The following IQSEC1 variants were observed in gnomAD, a reference collection of about 807,000 sequenced individuals.
IQSEC1 encodes IQ motif and SEC7 domain-containing protein 1.
IQSEC1 carries 31 observed loss-of-function variants against 91.0 expected under a neutral mutation model. That is an observed-to-expected ratio of 0.34 (90% CI 0.26 to 0.46). The LOEUF (loss-of-function observed/expected upper bound fraction) is 0.46. Ranked by LOEUF, IQSEC1 falls within the 20% of genes least tolerant of loss-of-function variation. IQSEC1 has a pLI of 1.00. For synonymous variants in IQSEC1, 699 were observed against 662.6 expected (o/e 1.05, Z -0.84); for missense variants, 1,388 against 1,575.6 (o/e 0.88, Z 2.02).
intron 2 of IQSEC1, among the ~76,000 whole-genome samples, chr3:13,144,561 A>C (rs1576270199): frequency 1.3e-5 from 2 of 152,150 alleles, no homozygotes; most frequent in East Asian, 3.9e-4. Context: ...CCCTGGGGAC[A>C]TCTCCTTCCT....
At chr3:13,132,184 G>A (rs898810902) in intron 2 of IQSEC1, among the ~76,000 whole-genome samples, 2 of 152,176 alleles carry the variant, frequency 1.3e-5, no homozygotes, top group Admixed American at 6.5e-5. Context: ...CTGATCCTTA[G>A]CGGCTTGTTT....
chr3:12,927,801 G>A (rs988163404), intron 3 of IQSEC1, among the ~76,000 whole-genome samples: 1 of 152,260 alleles, frequency 6.6e-6, no homozygotes, highest in Non-Finnish European at 1.5e-5. Context: ...CTGTGCAGGG[G>A]GCAAGGGACA....
chr3:12,941,091 G>A (rs1698706454), intron 2 of IQSEC1, among the ~76,000 whole-genome samples: 1 of 152,212 alleles, frequency 6.6e-6, no homozygotes, highest in Non-Finnish European at 1.5e-5. Flanking sequence ...TCCCCTGGCT[G>A]GCTGCCGATG....
chr3:13,115,551 G>A (rs1365680542), intron 2 of IQSEC1, among the ~76,000 whole-genome samples: 1 of 152,114 alleles, frequency 6.6e-6, no homozygotes, highest in African/African-American at 2.4e-5. Flanking sequence ...CCCACCTCTT[G>A]CCCTATTTCC....
chr3:13,046,160 C>T (rs909153998), intron 1 of IQSEC1, among the ~76,000 whole-genome samples: 55 of 152,240 alleles, frequency 3.6e-4, no homozygotes, highest in Non-Finnish European at 1.2e-4. Context: ...GAATCCTGAG[C>T]AGGTGACGTC....
chr3:12,905,873 C>G (rs1258054581), intron 12 of IQSEC1, among the ~76,000 whole-genome samples: 1 of 152,188 alleles, frequency 6.6e-6, no homozygotes, highest in Non-Finnish European at 1.5e-5. Flanking sequence ...TTGGCTGAAC[C>G]CTGTTTCCAC....
chr3:13,172,769 G>C, intron 1 of IQSEC1, among the ~76,000 whole-genome samples: 1 of 152,204 alleles, frequency 6.6e-6, no homozygotes, highest in Non-Finnish European at 1.5e-5. Flanking sequence ...CTCCACACCC[G>C]GGGGTCTACC....
In IQSEC1 at chr3:13,193,427, T is replaced by C. The variant is rs917581841; in HGVS notation, c.273-29294A>G. Reference sequence around the variant, plus strand: ...CAGAGGTGGCTTGGAAAGAGCTCTCTGGCTACAGAGTGGTGACCACAGGAA... The same window carrying C: ...CAGAGGTGGCTTGGAAAGAGCTCTCCGGCTACAGAGTGGTGACCACAGGAA... On this transcript the variant is annotated intron_variant, in intron 1 of 15. Transcript: ENST00000648114. This position sits in a 1 kb window ranked among gnomAD's most constrained non-coding sequence, Gnocchi z 4.2. Among the ~76,000 whole-genome samples, 1 of 152,166 alleles carries C rather than the reference T, an allele frequency of 6.6e-6. No homozygotes were observed. The highest frequency in any genetic ancestry group is 1.5e-5 in the Non-Finnish European group (1 of 68,020).
intron 2 of IQSEC1, among the ~76,000 whole-genome samples, chr3:13,144,141 G>A (rs1706845010): frequency 6.6e-6 from 1 of 152,156 alleles, no homozygotes; most frequent in African/African-American, 2.4e-5. Context: ...GGCCACTCAC[G>A]GTACCCAAAT....
At chr3:13,178,274 C>T (rs954304064) in intron 1 of IQSEC1, among the ~76,000 whole-genome samples, 1 of 152,238 alleles carries the variant, frequency 6.6e-6, no homozygotes, top group Non-Finnish European at 1.5e-5. Flanking sequence ...CAAGAGCCTG[C>T]TGTGACGGAG....
chr3:13,194,601 C>T (rs1226594790), intron 1 of IQSEC1, among the ~76,000 whole-genome samples: 2 of 152,172 alleles, frequency 1.3e-5, no homozygotes, highest in Non-Finnish European at 2.9e-5. Flanking sequence ...CATGTAAGGC[C>T]CACCACAAAC....
At position 13,091,364 on chromosome 3, in the gene IQSEC1, C is replaced by G. The variant is rs889082984; in HGVS notation, c.303-43842G>C. Among the ~76,000 whole-genome samples the G allele has an allele frequency of 2.2e-4, 33 of 152,368 alleles. 1 individual carries two copies. The highest frequency in any genetic ancestry group is 6.0e-4 in the African/African-American group (25 of 41,582). Reference sequence around the variant, plus strand: ...GGCTCAAGCCATAGACCGTGCCTGGCACATAGCAGATGCTCAAAAAATATT... The same window carrying G: ...GGCTCAAGCCATAGACCGTGCCTGGGACATAGCAGATGCTCAAAAAATATT... On this transcript the variant is annotated intron_variant, in intron 2 of 15. Transcript: ENST00000648114.
chr3:13,130,514 T>C (rs1706594346), intron 2 of IQSEC1, among the ~76,000 whole-genome samples: 1 of 152,178 alleles, frequency 6.6e-6, no homozygotes, highest in Admixed American at 6.5e-5. Flanking sequence ...ACTTTCCAGG[T>C]GCACTGGAGA....
chr3:13,068,145 C>G (rs1056504734), intron 1 of IQSEC1, among the ~76,000 whole-genome samples: 3 of 152,246 alleles, frequency 2.0e-5, no homozygotes, highest in African/African-American at 7.2e-5. Context: ...GGTCCTGCCC[C>G]GGGGCTGGGG....
intron 12 of IQSEC1, among the ~76,000 whole-genome samples, chr3:12,905,225 C>G (rs1323940815): frequency 1.3e-5 from 2 of 152,234 alleles, no homozygotes; most frequent in African/African-American, 2.4e-5. Context: ...TGGGCAGAGC[C>G]TGGAGGGACT....
At chr3:13,090,333 CT>C (rs975150459) in intron 2 of IQSEC1, among the ~76,000 whole-genome samples, 3 of 152,138 alleles carry the variant, frequency 2.0e-5, no homozygotes, top group African/African-American at 7.2e-5. Flanking sequence ...GGATTTTTGT[CT>C]GTTTTATTCA....
chr3:13,176,493 C>G (rs912480157), intron 1 of IQSEC1, among the ~76,000 whole-genome samples: 3 of 152,188 alleles, frequency 2.0e-5, no homozygotes, highest in Admixed American at 6.5e-5. Flanking sequence ...AAACCATGGT[C>G]TCTCTCTCAC....
chr3:13,051,256 C>T (rs761085918), intron 1 of IQSEC1, among the ~76,000 whole-genome samples: 4 of 152,216 alleles, frequency 2.6e-5, no homozygotes, highest in Non-Finnish European at 4.4e-5. Flanking sequence ...TGAGGCCCCT[C>T]CTCCTCTGTC....
At chr3:13,271,318 A>T (rs1436465492) in intron 1 of IQSEC1, among the ~76,000 whole-genome samples, 1 of 152,138 alleles carries the variant, frequency 6.6e-6, no homozygotes, top group Non-Finnish European at 1.5e-5. Context: ...CGGAGCTTGC[A>T]GTGAGCCGAG....
Sources: gnomAD v4.1 joint callset for allele counts (sites outside exome capture counted in the v4.1 genomes callset) on GRCh38, gnomAD v4.1.1 for gene constraint, Gnocchi (gnomAD v3.1) non-coding constraint, MANE v1.5 for transcripts, NCBI Gene and HGNC (gene_info 2026-07-23, HGNC 2026-07-21) for gene names.